The following SLC18A1 variants were observed in gnomAD, a reference collection of about 807,000 sequenced individuals.
SLC18A1 encodes chromaffin granule amine transporter.
A neutral mutation model predicts 53.7 loss-of-function variants in SLC18A1; 69 were observed. That is an observed-to-expected ratio of 1.28 (90% CI 1.06 to 1.57). SLC18A1 has a LOEUF of 1.57. Among genes scored for constraint, SLC18A1 ranks in the 40% most tolerant of loss-of-function variants. SLC18A1 has a pLI of 0.00. For missense variants in SLC18A1, 932 were observed against 668.1 expected, an observed-to-expected ratio of 1.40 and a Z score of -4.35; for synonymous variants, 320 against 248.1, an observed-to-expected ratio of 1.29 and a Z score of -2.72.
At chr8:20,157,116 A>G (rs1273321709) in intron 10 of SLC18A1, among the ~76,000 whole-genome samples, 2 of 152,212 alleles carry the variant, frequency 1.3e-5, no homozygotes, top group Admixed American at 6.5e-5. Context: ...AGGAATAAGC[A>G]TTAGGACCAT....
chr8:20,151,238 TG>T (rs1277578709), intron 10 of SLC18A1, among the ~76,000 whole-genome samples: 1 of 151,568 alleles, frequency 6.6e-6, no homozygotes, highest in Non-Finnish European at 1.5e-5. Flanking sequence ...CTGCCTGCCT[TG>T]GCCTCCCAAA....
intron 12 of SLC18A1, chr8:20,148,659 C>T (rs2071468559): frequency 4.9e-6 from 2 of 411,754 alleles, no homozygotes; most frequent in South Asian, 1.8e-5. Flanking sequence ...AACAAAAACC[C>T]CTTCTTCCCT....
chr8:20,166,807 G>T lies in SLC18A1; in HGVS notation c.859-1700C>A, dbSNP rs77239616. The stretch of plus-strand genomic sequence containing the variant: ...AGGGAGGTAATTAAGGTTAAATGAG[G>T]TCATAAGAGTGGGGGCTCTAATCTG... On this transcript the variant is annotated intron_variant, in intron 8 of 15. Coordinates refer to ENST00000276373, the MANE Select transcript of SLC18A1 (RefSeq NM_003053.4). Among the ~76,000 whole-genome samples the T allele has an allele frequency of 8.3e-3, 1,258 of 152,182 alleles. 18 individuals are homozygous for T. The highest frequency in any genetic ancestry group is 0.029 in the African/African-American group (1,186 of 41,500).
At chr8:20,148,705 T>C (rs1319261813) in intron 12 of SLC18A1, among the ~76,000 whole-genome samples, 3 of 152,168 alleles carry the variant, frequency 2.0e-5, no homozygotes, top group African/African-American at 7.2e-5. Context: ...TCTGGGTACC[T>C]GCCATTCAAA....
At chr8:20,176,449 T>C (rs370162274) in intron 4 of SLC18A1, among the ~76,000 whole-genome samples, 17 of 152,332 alleles carry the variant, frequency 1.1e-4, no homozygotes, top group African/African-American at 3.6e-4. Flanking sequence ...TACTCCTTTA[T>C]AGCAATGCTA....
intron 10 of SLC18A1, among the ~76,000 whole-genome samples, chr8:20,154,663 A>G (rs1419787052): frequency 6.6e-6 from 1 of 152,236 alleles, no homozygotes; most frequent in Non-Finnish European, 1.5e-5. Flanking sequence ...AGGGCATAGG[A>G]TGCTTGCTGA....
chr8:20,146,706 C>T (rs1199246167), intron 15 of SLC18A1, among the ~76,000 whole-genome samples: 1 of 151,974 alleles, frequency 6.6e-6, no homozygotes, highest in Non-Finnish European at 1.5e-5. Context: ...TGCCTGTAAT[C>T]CCAGCTACTT....
At chr8:20,159,653 AAAAAAAAAAAG>A (rs1563739644) in intron 10 of SLC18A1, among the ~76,000 whole-genome samples, 8 of 145,532 alleles carry the variant, frequency 5.5e-5, no homozygotes, top group East Asian at 2.0e-4. Context: ...AAAAAAAAAA[AAAAAAAAAAAG>A]AAAGAAAAAG....
intron 10 of SLC18A1, among the ~76,000 whole-genome samples, chr8:20,160,958 C>G (rs1394785958): frequency 1.3e-5 from 2 of 152,190 alleles, no homozygotes; most frequent in Non-Finnish European, 2.9e-5. Context: ...TTAATCTATT[C>G]ATAAAGGTGG....
intron 4 of SLC18A1, among the ~76,000 whole-genome samples, chr8:20,178,145 CA>C (rs2072298477): frequency 1.3e-5 from 2 of 151,792 alleles, no homozygotes; most frequent in Admixed American, 6.6e-5. Flanking sequence ...CACACACACA[CA>C]CACACCCCGT....
intron 10 of SLC18A1, among the ~76,000 whole-genome samples, chr8:20,164,209 C>T (rs1044959668): frequency 1.3e-5 from 2 of 152,176 alleles, no homozygotes; most frequent in South Asian, 2.1e-4. Flanking sequence ...TGTCCTCTTT[C>T]CTCAGGGTTC....
In SLC18A1 at chr8:20,179,192, G is replaced by C. The variant is rs774690275; in HGVS notation, c.417C>G (p.Val139=). The change falls in exon 3 of 16, where the codon GTC becomes GTG. Residue 139 remains valine, a synonymous_variant. Transcript: ENST00000276373. ...CAGCCTTTGAAGCAAACAGAACCCC[G>C]ACCCGGGTAATCTCTTCCTCCAAGA... ...TGFLEEEITR[V]GVLFASKAVM... The C allele has an allele frequency of 6.2e-7, 1 of 1,614,128 alleles. No homozygotes were observed. Among genetic ancestry groups the C allele is most frequent in the Non-Finnish European group, 8.5e-7 (1 of 1,180,030 alleles).
At chr8:20,165,136 A>T (rs750814409) in intron 8 of SLC18A1, 29 bp from the exon 9 acceptor site, 1 of 1,587,616 alleles carries the variant, frequency 6.3e-7, no homozygotes, top group Non-Finnish European at 8.7e-7. Flanking sequence ...AAAAATGTCC[A>T]TTTGTACAGT....
At chr8:20,175,430 T>G (rs1409538166) in intron 4 of SLC18A1, 2 of 152,170 alleles carry the variant, frequency 1.3e-5, no homozygotes, top group African/African-American at 4.8e-5. Context: ...ATTGGGGAAG[T>G]GATAAATGTC....
chr8:20,181,915 T>C (rs1042570356), intron 1 of SLC18A1: 1 of 152,214 alleles, frequency 6.6e-6, no homozygotes, highest in Non-Finnish European at 1.5e-5. Flanking sequence ...CATTCTTTTG[T>C]TTGAGCTACA....
At chr8:20,151,809 T>A (rs1220549733) in intron 10 of SLC18A1, among the ~76,000 whole-genome samples, 1 of 152,164 alleles carries the variant, frequency 6.6e-6, no homozygotes, top group Non-Finnish European at 1.5e-5. Context: ...CATTCATTCA[T>A]TCATTCATTC....
At chr8:20,164,462 T>C (rs1315391340) in intron 10 of SLC18A1, among the ~76,000 whole-genome samples, 1 of 152,202 alleles carries the variant, frequency 6.6e-6, no homozygotes, top group African/African-American at 2.4e-5. Flanking sequence ...TCACCTCATA[T>C]GTCATTTATT....
intron 8 of SLC18A1, among the ~76,000 whole-genome samples, chr8:20,169,404 A>G (rs1462174344): frequency 1.3e-5 from 2 of 152,110 alleles, no homozygotes; most frequent in Admixed American, 6.5e-5. Context: ...AATTAGACTA[A>G]AGTATTATAT....
Position 20,174,277 on chromosome 8 carries a change from T to G in SLC18A1, c.631+84A>C, listed in dbSNP as rs1563765083. On this transcript the variant is annotated intron_variant, in intron 5 of 15. Transcript: ENST00000276373. ...GGTGACATTTTCCTTAATTTCTCCA[T>G]GTAAATATAGGATCTGAGGTAGTAA... The G allele has an allele frequency of 2.3e-5, 23 of 1,012,184 alleles. No individual in the cohort carries two copies. In the East Asian group the frequency reaches 5.5e-4, roughly 24 times the overall value. The allele number at this position is 1,012,184 out of a possible 1,614,324, so 62.7% of individuals were successfully genotyped here.
Sources: gnomAD v4.1 joint callset for allele counts (sites outside exome capture counted in the v4.1 genomes callset) on GRCh38, gnomAD v4.1.1 for gene constraint, MANE v1.5 for transcripts, NCBI Gene and HGNC (gene_info 2026-07-23, HGNC 2026-07-21) for gene names.